The following SOX5 variants were observed in gnomAD, a reference collection of about 807,000 sequenced individuals.
The protein encoded by SOX5 is SRY-box transcription factor 5, also known as transcription factor SOX-5.
SOX5 carries 9 observed loss-of-function variants against 92.0 expected under a neutral mutation model. The ratio of observed to expected loss-of-function variants is 0.10; its 90% CI spans 0.06 to 0.17. The LOEUF (loss-of-function observed/expected upper bound fraction) is 0.17. SOX5 is among the 10% of genes least tolerant of loss of function. SOX5 has a pLI of 1.00. For synonymous variants in SOX5, 344 were observed against 336.3 expected, an observed-to-expected ratio of 1.02 and a Z score of -0.25; for missense variants, 642 against 944.5, an observed-to-expected ratio of 0.68 and a Z score of 4.20.
rs1279388106 is a variant in SOX5 at position 23,972,284 on chromosome 12, C to T, written c.-1-76260G>A. On this transcript the variant is annotated intron_variant, in intron 4 of 4. Coordinates refer to the SOX5 transcript ENST00000446891. The stretch of plus-strand genomic sequence containing the variant: ...CATTTCAGGGTATCAGATTATGAAA[C>T]TAAAATGCTAAGCCACTAAAATATC... Among the ~76,000 whole-genome samples the T allele has an allele frequency of 2.6e-5, 4 of 152,144 alleles. No homozygotes were observed. In the East Asian group the frequency reaches 7.7e-4, roughly 29 times the overall value.
At chr12:24,348,621 G>A (rs991390906) in intron 2 of SOX5, among the ~76,000 whole-genome samples, 10 of 152,028 alleles carry the variant, frequency 6.6e-5, no homozygotes, top group African/African-American at 2.4e-4. Flanking sequence ...GACCTCAGGT[G>A]ACTCTGCCTG....
chr12:24,464,526 A>G lies in SOX5; in HGVS notation c.-250-95887T>C, dbSNP rs147404266. Among the ~76,000 whole-genome samples, 1,257 of 152,174 alleles carry G rather than the reference A, an allele frequency of 8.3e-3. 19 individuals are homozygous for G. The highest frequency in any genetic ancestry group is 0.03 in the African/African-American group (1,225 of 41,522). ...CAGCTAATTTTTTTGTATTTTTAGT[A>G]GAGATGGAGTTTCACCGTGTTAGCC... On this transcript the variant is annotated intron_variant, in intron 1 of 4. Coordinates refer to the SOX5 transcript ENST00000446891.
rs116542765 is a variant in SOX5, at chr12:24,002,388, A to G, written c.-1-106364T>C. 5.8e-3 allele frequency among the ~76,000 whole-genome samples: 886 copies of G among 152,252 alleles called. 12 individuals carry two copies. The highest frequency in any genetic ancestry group is 0.02 in the African/African-American group (848 of 41,564). The stretch of plus-strand genomic sequence containing the variant: ...GAAGGATGAAAGGAGAAACATCACT[A>G]CTGACCTTATAGAAATACAAAGATG... On this transcript the variant is annotated intron_variant, in intron 4 of 4. Coordinates refer to the SOX5 transcript ENST00000446891.
At chr12:23,746,285 T>TGTCC (rs1282973090) in intron 4 of SOX5, among the ~76,000 whole-genome samples, 1 of 152,158 alleles carries the variant, frequency 6.6e-6, no homozygotes, top group Non-Finnish European at 1.5e-5. Context: ...ACTAGATCCT[T>TGTCC]GGAGTACTCC....
intron 4 of SOX5, among the ~76,000 whole-genome samples, chr12:24,132,581 G>T (rs79646347): frequency 6.6e-6 from 1 of 152,036 alleles, no homozygotes; most frequent in Non-Finnish European, 1.5e-5. Flanking sequence ...TACAGTATCC[G>T]TATACTTGGG....
chr12:23,771,349 C>T (rs1399938293), intron 3 of SOX5, among the ~76,000 whole-genome samples: 1 of 152,108 alleles, frequency 6.6e-6, no homozygotes, highest in African/African-American at 2.4e-5. Flanking sequence ...CAACAAAAGA[C>T]CTACTGTCAC....
At chr12:24,560,481 G>C (rs1330378436) in intron 1 of SOX5, among the ~76,000 whole-genome samples, 1 of 152,186 alleles carries the variant, frequency 6.6e-6, no homozygotes, top group East Asian at 1.9e-4. Context: ...TCCACTGTAA[G>C]TACTTATGAT....
chr12:24,142,791 C>T (rs1049474187), intron 4 of SOX5, among the ~76,000 whole-genome samples: 1 of 150,926 alleles, frequency 6.6e-6, no homozygotes, highest in African/African-American at 2.4e-5. Flanking sequence ...TAAACGCCAC[C>T]TTAGTGAAGA....
At chr12:24,185,912 T>C (rs1955969829) in intron 4 of SOX5, among the ~76,000 whole-genome samples, 1 of 152,132 alleles carries the variant, frequency 6.6e-6, no homozygotes, top group African/African-American at 2.4e-5. Flanking sequence ...ATGGAGAAAT[T>C]ATAGGAGATG....
intron 6 of SOX5, among the ~76,000 whole-genome samples, chr12:23,714,102 A>G (rs1333263162): frequency 6.6e-6 from 1 of 151,878 alleles, no homozygotes; most frequent in Non-Finnish European, 1.5e-5. Flanking sequence ...AAAAAAAAAA[A>G]AAAGAAAAGA....
chr12:24,444,476 G>C (rs1941157812), intron 1 of SOX5, among the ~76,000 whole-genome samples: 1 of 152,186 alleles, frequency 6.6e-6, no homozygotes, highest in Non-Finnish European at 1.5e-5. Flanking sequence ...AAATCTATTT[G>C]AATTCCCCCA....
chr12:23,985,020 G>A (rs1224291866), intron 4 of SOX5, among the ~76,000 whole-genome samples: 2 of 152,120 alleles, frequency 1.3e-5, no homozygotes, highest in Admixed American at 1.3e-4. Context: ...AATAATGGAG[G>A]ATTAAGCATA....
chr12:24,034,343 C>T (rs11047220), intron 4 of SOX5, among the ~76,000 whole-genome samples: 7,819 of 151,996 alleles, frequency 0.051, 188 homozygotes, highest in Middle Eastern at 0.078. Context: ...CTGGATGCCT[C>T]GCCCCTCCTC....
intron 3 of SOX5, among the ~76,000 whole-genome samples, chr12:24,251,806 A>G (rs1307502466): frequency 9.2e-5 from 14 of 152,060 alleles, no homozygotes; most frequent in Non-Finnish European, 1.9e-4. Context: ...TCCCAACCTC[A>G]GGTGATCTGC....
intron 3 of SOX5, among the ~76,000 whole-genome samples, chr12:23,772,262 T>G (rs1395988191): frequency 6.6e-6 from 1 of 152,262 alleles, no homozygotes; most frequent in African/African-American, 2.4e-5. Context: ...TTTTATTCCA[T>G]GCTTTGTGTT....
At chr12:23,776,616 CAT>C (rs1491218077) in intron 3 of SOX5, among the ~76,000 whole-genome samples, 2 of 151,962 alleles carry the variant, frequency 1.3e-5, no homozygotes, top group Admixed American at 1.3e-4. Flanking sequence ...TCGTGGAAGA[CAT>C]TTTTTTTTAA....
chr12:24,493,373 TAAAAA>T (rs1947286555), intron 1 of SOX5, among the ~76,000 whole-genome samples: 1 of 151,932 alleles, frequency 6.6e-6, no homozygotes, highest in Non-Finnish European at 1.5e-5. Context: ...GAACATAAAA[TAAAAA>T]GAAGTAAAAA....
At chr12:23,603,340 G>C (rs1287138883) in intron 9 of SOX5, among the ~76,000 whole-genome samples, 1 of 150,774 alleles carries the variant, frequency 6.6e-6, no homozygotes. Flanking sequence ...CAATGATTGT[G>C]ACTATTCTTA....
chr12:24,226,529 G>A (rs890351412), intron 3 of SOX5, among the ~76,000 whole-genome samples: 1 of 152,000 alleles, frequency 6.6e-6, no homozygotes, highest in Non-Finnish European at 1.5e-5. Context: ...GGAGTGCAAC[G>A]GCACGATCTC....
Sources: allele counts gnomAD v4.1 joint callset (sites outside exome capture counted in the v4.1 genomes callset), GRCh38; gene constraint gnomAD v4.1.1; transcripts MANE v1.5; gene names NCBI Gene and HGNC (gene_info 2026-07-23, HGNC 2026-07-21).